Variants in DOCK8 observed in about 807,000 individuals in gnomAD.
DOCK8 encodes dedicator of cytokinesis 8.
In DOCK8, 141 loss-of-function variants were observed where a neutral mutation model predicts 245.6. The ratio of observed to expected loss-of-function variants is 0.57; its 90% CI spans 0.50 to 0.66. The LOEUF is 0.66. Ranked by LOEUF, DOCK8 falls within the 30% of genes least tolerant of loss-of-function variation. DOCK8 has a pLI of 0.00. For missense variants in DOCK8, 2,965 were observed against 2,603.4 expected, an observed-to-expected ratio of 1.14 and a Z score of -3.02; for synonymous variants, 1,168 against 970.2, an observed-to-expected ratio of 1.20 and a Z score of -3.79.
At chr9:245,637 C>G (rs950113544) in intron 1 of DOCK8, among the ~76,000 whole-genome samples, 1 of 152,166 alleles carries the variant, frequency 6.6e-6, no homozygotes, top group Non-Finnish European at 1.5e-5. Flanking sequence ...AGGAGGCTGA[C>G]CCACACCCTA....
Position 215,104 on chromosome 9 carries a change from G to A in DOCK8, c.53+75G>A, listed in dbSNP as rs931052747. On this transcript the variant is annotated intron_variant, in intron 1 of 47. Coordinates refer to ENST00000432829, the MANE Select transcript of DOCK8 (RefSeq NM_203447.4). ...GGTGTGAAGCGGAGCTTCGCTGCAG[G>A]GGCCGAGGCCGGACGAGTCCATTCG... 11 of 1,509,234 alleles carry A rather than the reference G, an allele frequency of 7.3e-6. 1 individual carries two copies. The African/African-American group carries it at 1.0e-4, about 14-fold the overall frequency. The allele number at this position is 1,509,234 out of a possible 1,614,324, so 93.5% of individuals were successfully genotyped here.
chr9:364,185 A>G (rs763414593), intron 14 of DOCK8, among the ~76,000 whole-genome samples: 4 of 152,112 alleles, frequency 2.6e-5, no homozygotes, highest in Non-Finnish European at 5.9e-5. Flanking sequence ...TTTAGAGGAG[A>G]CCAGTATATA....
At chr9:214,587 C>T, upstream of DOCK8, 2 of 1,614,074 alleles carry the variant, frequency 1.2e-6, no homozygotes, top group South Asian at 1.1e-5. Context: ...CTGGCAGCCT[C>T]GCAGCTTCGG....
At chr9:377,962 GC>G (rs1405176660) in intron 20 of DOCK8, among the ~76,000 whole-genome samples, 1 of 152,126 alleles carries the variant, frequency 6.6e-6, no homozygotes, top group Non-Finnish European at 1.5e-5. Context: ...ATCTTTATTT[GC>G]CACCATTTTC....
intron 14 of DOCK8, chr9:366,445 C>G (rs528316287): frequency 6.6e-6 from 1 of 152,308 alleles, no homozygotes; most frequent in South Asian, 2.1e-4. Context: ...TTCCAATTAT[C>G]ATTTTTCCTC....
upstream of DOCK8, among the ~76,000 whole-genome samples, chr9:212,549 T>C (rs1030748996): frequency 3.3e-5 from 5 of 152,206 alleles, no homozygotes; most frequent in African/African-American, 7.2e-5. Context: ...TGTGAATGTA[T>C]CTAACAGCAG....
chr9:277,457 GAGAGA>G (rs143194665), intron 2 of DOCK8, among the ~76,000 whole-genome samples: 3,005 of 129,550 alleles, frequency 0.023, 189 homozygotes, highest in African/African-American at 0.033. Flanking sequence ...AGAAGAGAAA[GAGAGA>G]AGAGAAGAGA....
chr9:233,340 G>A (rs1052830917), intron 1 of DOCK8, among the ~76,000 whole-genome samples: 17 of 152,156 alleles, frequency 1.1e-4, no homozygotes, highest in Non-Finnish European at 2.2e-4. Flanking sequence ...TTTGGAATAG[G>A]TGTGGTGTGG....
intron 26 of DOCK8, 61 bp from the exon 27 acceptor site, chr9:404,857 A>G (rs2055339429): frequency 6.3e-7 from 1 of 1,593,606 alleles, no homozygotes; most frequent in Admixed American, 1.7e-5. Flanking sequence ...TGTGTCTGCC[A>G]ACCTCAACTC....
chr9:302,347 C>T (rs934483766), intron 4 of DOCK8, among the ~76,000 whole-genome samples: 5 of 152,134 alleles, frequency 3.3e-5, no homozygotes, highest in African/African-American at 1.2e-4. Flanking sequence ...CAAACATTAA[C>T]TCAAGATGGA....
intron 26 of DOCK8, 108 bp from the exon 27 acceptor site, chr9:404,810 A>T: frequency 8.2e-7 from 1 of 1,218,014 alleles, no homozygotes; most frequent in Non-Finnish European, 1.2e-6. Context: ...AGTTTTTATT[A>T]AATTGATTGC....
Position 328,007 on chromosome 9 carries a change from G to A in DOCK8, c.895-15G>A, listed in dbSNP as rs548025514. On this transcript the variant is annotated splice_polypyrimidine_tract_variant and intron_variant, in intron 8 of 47. Coordinates refer to ENST00000432829, the MANE Select transcript of DOCK8 (RefSeq NM_203447.4). ...ACAGGTCTAACTTATATTTCACTTT[G>A]CTGCTCATTTACAGATCTCAGAAAA... The A allele has an allele frequency of 1.9e-5, 30 of 1,612,280 alleles. No individual in the cohort carries two copies. Among genetic ancestry groups the A allele is most frequent in the African/African-American group, 1.3e-4 (10 of 74,960 alleles).
At chr9:402,146 G>A (rs186868239) in intron 26 of DOCK8, among the ~76,000 whole-genome samples, 1 of 152,326 alleles carries the variant, frequency 6.6e-6, no homozygotes, top group East Asian at 1.9e-4. Flanking sequence ...AGGGAAATAA[G>A]GCAACCCAAG....
chr9:418,521 G>C (rs1341619705), intron 30 of DOCK8, among the ~76,000 whole-genome samples: 1 of 152,172 alleles, frequency 6.6e-6, no homozygotes, highest in Non-Finnish European at 1.5e-5. Flanking sequence ...ACCCACCTCA[G>C]CCTCCCAAAG....
Position 400,215 on chromosome 9 carries a change from T to TATCACCACCACCTCCACC in DOCK8, c.3234+1004_3234+1021dup, listed in dbSNP as rs1259997755. ...CCATCACCATCACCACCACCTCCAC[T>TATCACCACCACCTCCACC]ATCACCACCACCTCCACCATCACCA... is the stretch of plus-strand genomic sequence containing the variant. On this transcript the variant is annotated intron_variant, in intron 26 of 47. Coordinates refer to ENST00000432829, the MANE Select transcript of DOCK8 (RefSeq NM_203447.4). Among the ~76,000 whole-genome samples, 36 of 14,812 alleles carry TATCACCACCACCTCCACC rather than the reference T, an allele frequency of 2.4e-3. 3 individuals are homozygous for TATCACCACCACCTCCACC. Among genetic ancestry groups the TATCACCACCACCTCCACC allele is most frequent in the Non-Finnish European group, 3.4e-3 (28 of 8,128 alleles). The allele number at this position is 14,812 out of a possible 152,430, so 9.7% of individuals were successfully genotyped here.
At chr9:432,140 C>CTT in intron 36 of DOCK8, 26 bp from the exon 37 acceptor site, 18 of 1,470,080 alleles carry the variant, frequency 1.2e-5, no homozygotes, top group South Asian at 5.8e-5. Context: ...TTTACTTCAT[C>CTT]TTTTTTTTTT....
intron 36 of DOCK8, among the ~76,000 whole-genome samples, chr9:431,920 C>A (rs1369157606): frequency 6.6e-6 from 1 of 152,148 alleles, no homozygotes; most frequent in Non-Finnish European, 1.5e-5. Flanking sequence ...GCAGCCCAGT[C>A]CTCAATGAAA....
chr9:293,996 A>G (rs1281913443), intron 4 of DOCK8, among the ~76,000 whole-genome samples: 2 of 152,230 alleles, frequency 1.3e-5, no homozygotes, highest in East Asian at 3.8e-4. Flanking sequence ...CCAGCTGTGT[A>G]GCTTCCAGAT....
intron 46 of DOCK8, among the ~76,000 whole-genome samples, chr9:454,003 C>G (rs1377371705): frequency 6.6e-6 from 1 of 152,118 alleles, no homozygotes; most frequent in Non-Finnish European, 1.5e-5. Flanking sequence ...CAGGACATAG[C>G]CCTGCATGGC....
Sources: gnomAD v4.1 joint callset for allele counts (sites outside exome capture counted in the v4.1 genomes callset) on GRCh38, gnomAD v4.1.1 for gene constraint, MANE v1.5 for transcripts, NCBI Gene and HGNC (gene_info 2026-07-23, HGNC 2026-07-21) for gene names.